The following BANP variants were observed in gnomAD, a reference collection of about 807,000 sequenced individuals.
The protein encoded by BANP is protein BANP.
BANP carries 11 observed loss-of-function variants against 68.1 expected under a neutral mutation model. The ratio of observed to expected loss-of-function variants is 0.16; its 90% CI spans 0.10 to 0.27. The LOEUF is 0.27. Ranked by LOEUF, BANP falls within the 10% of genes least tolerant of loss-of-function variation. BANP has a pLI of 1.00. For missense variants in BANP, 504 were observed against 722.7 expected (o/e 0.70, Z 3.47); for synonymous variants, 329 against 303.2 (o/e 1.09, Z -0.88).
intron 7 of BANP, among the ~76,000 whole-genome samples, chr16:88,019,233 T>C (rs1246966877): frequency 1.3e-5 from 2 of 152,148 alleles, no homozygotes; most frequent in Admixed American, 6.5e-5. Flanking sequence ...CAGGTGGCGA[T>C]TGCGGTACTG....
chr16:88,039,033 G>C (rs1455759888), intron 11 of BANP, among the ~76,000 whole-genome samples: 1 of 152,228 alleles, frequency 6.6e-6, no homozygotes, highest in African/African-American at 2.4e-5. Flanking sequence ...CCCAGAGCGA[G>C]GTGCTTTACA....
At chr16:88,044,913 C>T (rs1057483359) in intron 11 of BANP, among the ~76,000 whole-genome samples, 3 of 151,896 alleles carry the variant, frequency 2.0e-5, no homozygotes, top group African/African-American at 7.3e-5. Flanking sequence ...ACCCTGGAGG[C>T]GGAGCTTGCA....
intron 13 of BANP, among the ~76,000 whole-genome samples, chr16:88,076,089 A>G (rs1340015690): frequency 5.3e-5 from 8 of 152,182 alleles, no homozygotes; most frequent in African/African-American, 1.9e-4. Context: ...TCGTACTTGA[A>G]GTCCTTTTAA....
chr16:87,984,592 GT>G lies in BANP; in HGVS notation c.362+338del, dbSNP rs1301009652. Among the ~76,000 whole-genome samples the G allele has an allele frequency of 8.5e-5, 13 of 152,292 alleles. No individual in the cohort carries two copies. The East Asian group carries it at 2.3e-3, about 27-fold the overall frequency. ...CTCTACCTGGCTAGTCTTTACATATGTTTTTCTTCGTATGTGGTGTTTATAC... is the reference window on the plus strand; with the variant it reads ...CTCTACCTGGCTAGTCTTTACATATGTTTTCTTCGTATGTGGTGTTTATAC... On this transcript the variant is annotated intron_variant, in intron 4 of 13. Coordinates refer to ENST00000682872, the MANE Select transcript of BANP (RefSeq NM_001386991.1).
At chr16:87,978,036 A>G (rs546983734) in intron 2 of BANP, among the ~76,000 whole-genome samples, 2 of 152,268 alleles carry the variant, frequency 1.3e-5, no homozygotes, top group South Asian at 2.1e-4. Context: ...GGGTTTCACC[A>G]TGTTGGCCAG....
At chr16:87,990,688 C>T (rs767132002) in intron 4 of BANP, among the ~76,000 whole-genome samples, 25 of 152,166 alleles carry the variant, frequency 1.6e-4, no homozygotes, top group Non-Finnish European at 2.8e-4. Context: ...TGGTTGCTTT[C>T]GTTTAATTTC....
At chr16:87,955,682 G>A (rs781051759) in intron 1 of BANP, among the ~76,000 whole-genome samples, 4 of 151,898 alleles carry the variant, frequency 2.6e-5, no homozygotes, top group Admixed American at 1.3e-4. Flanking sequence ...CAAGATACAC[G>A]TCACAAAGGG....
intron 7 of BANP, among the ~76,000 whole-genome samples, chr16:88,021,327 C>T (rs571779838): frequency 3.3e-5 from 5 of 152,176 alleles, no homozygotes; most frequent in South Asian, 2.1e-4. Context: ...GAAGTCCCTC[C>T]GGGGTGGGGC....
At chr16:88,062,355 T>C (rs1053317280) in intron 11 of BANP, among the ~76,000 whole-genome samples, 20 of 152,240 alleles carry the variant, frequency 1.3e-4, no homozygotes, top group Non-Finnish European at 2.9e-5. Flanking sequence ...ACACAGAATT[T>C]CTGCATTCTC....
intron 11 of BANP, among the ~76,000 whole-genome samples, chr16:88,061,114 C>T (rs148963134): frequency 9.8e-5 from 15 of 152,312 alleles, no homozygotes; most frequent in South Asian, 6.2e-4. Context: ...GTTGCCTTCT[C>T]CCAAGGCTGT....
rs58263254 is a variant in BANP at position 87,976,850 on chromosome 16, T to C, written c.70+1665T>C. On this transcript the variant is annotated intron_variant, in intron 2 of 13. Coordinates refer to ENST00000682872, the MANE Select transcript of BANP (RefSeq NM_001386991.1). Reference sequence around the variant, plus strand: ...TTTTCCACACCATCATTGCATATTATTTTACAAATCCCTGTTTCTAGTTCA... The same window carrying C: ...TTTTCCACACCATCATTGCATATTACTTTACAAATCCCTGTTTCTAGTTCA... Among the ~76,000 whole-genome samples, 820 of 152,328 alleles carry C rather than the reference T, an allele frequency of 5.4e-3. 11 individuals are homozygous for C. The highest frequency in any genetic ancestry group is 0.019 in the African/African-American group (773 of 41,568).
chr16:87,967,811 C>G (rs552037543), intron 1 of BANP, among the ~76,000 whole-genome samples: 4 of 151,534 alleles, frequency 2.6e-5, no homozygotes, highest in Non-Finnish European at 4.4e-5. Context: ...TTAGTAGAGA[C>G]GGCGTTTCAC....
chr16:88,053,453 T>C (rs2083888316), intron 11 of BANP, among the ~76,000 whole-genome samples: 1 of 90,964 alleles, frequency 1.1e-5, no homozygotes, highest in Non-Finnish European at 2.2e-5. Context: ...GTCATCTCCA[T>C]CATCATCATC....
rs558847488 is a variant in BANP, at chr16:88,018,319, C to T, written c.656-109C>T. 7.2e-7 allele frequency: 1 copy of T among 1,385,470 alleles called. No individual in the cohort carries two copies. The highest frequency in any genetic ancestry group is 9.9e-7 in the Non-Finnish European group (1 of 1,013,784). 85.8% of individuals were successfully genotyped at this position (1,385,470 alleles called of 1,614,324 possible). On this transcript the variant is annotated intron_variant, in intron 6 of 13. Transcript: ENST00000682872. This position sits in a 1 kb window ranked among gnomAD's most constrained non-coding sequence, Gnocchi z 7.7. ...CACAAGTTACGAGGGATTTGCCCAG[C>T]CCTGCGTGGAGCATCTTTCCCGACT...
At chr16:87,954,665 G>A (rs2057690285) in intron 1 of BANP, among the ~76,000 whole-genome samples, 2 of 152,238 alleles carry the variant, frequency 1.3e-5, no homozygotes, top group South Asian at 2.1e-4. Flanking sequence ...GGCAGGTGCG[G>A]GTTTGGCCTG....
rs1023964093 is a variant in BANP at position 88,071,226 on chromosome 16, G to A, written c.1378-843G>A. 1.7e-5 allele frequency: 6 copies of A among 348,814 alleles called. No homozygotes were observed. The highest frequency in any genetic ancestry group is 4.3e-5 in the African/African-American group (2 of 46,518). The allele number at this position is 348,814 out of a possible 1,614,324, so 21.6% of individuals were successfully genotyped here. On this transcript the variant is annotated intron_variant, in intron 12 of 13. Transcript: ENST00000682872. The surrounding 1 kb of genome is among the most constrained non-coding windows in gnomAD (Gnocchi z 6.5). ...GTGGGATGCATCTCCTGGCCCTCCC[G>A]TAGTGGGGTGCAACCCCAAGTGAAG...
In BANP at chr16:87,957,516, C is replaced by T. The variant is rs1279588484; in HGVS notation, c.-69+6001C>T. 3.3e-5 allele frequency among the ~76,000 whole-genome samples: 5 copies of T among 152,186 alleles called. No homozygotes were observed. The highest frequency in any genetic ancestry group is 4.1e-4 in the South Asian group (2 of 4,830). On this transcript the variant is annotated intron_variant, in intron 1 of 13. Transcript: ENST00000682872. This position sits in a 1 kb window ranked among gnomAD's most constrained non-coding sequence, Gnocchi z 4.3. ...CTGGGGCGGTTTTGAGGCAAGCTCA[C>T]GGAGGCCTGCCGCAGGGCCCTGCGC...
chr16:87,976,474 G>GTTTTTTTTTTTTTTT (rs59786663), intron 2 of BANP, among the ~76,000 whole-genome samples: 1 of 95,972 alleles, frequency 1.0e-5, no homozygotes, highest in Non-Finnish European at 2.0e-5. Flanking sequence ...GTTTTAAAAA[G>GTTTTTTTTTTTTTTT]TTTTTTTTTT....
At chr16:87,995,147 T>G (rs1222791412) in intron 4 of BANP, among the ~76,000 whole-genome samples, 1 of 152,168 alleles carries the variant, frequency 6.6e-6, no homozygotes, top group Non-Finnish European at 1.5e-5. Context: ...ATCAATGGAG[T>G]CTGGCCACAG....
Sources: allele counts gnomAD v4.1 joint callset (sites outside exome capture counted in the v4.1 genomes callset), GRCh38; gene constraint gnomAD v4.1.1; non-coding constraint Gnocchi (gnomAD v3.1); transcripts MANE v1.5; gene names NCBI Gene and HGNC (gene_info 2026-07-23, HGNC 2026-07-21).